The following RBFOX1 variants were observed in gnomAD, a reference collection of about 807,000 sequenced individuals.
RBFOX1 encodes the protein RNA binding protein fox-1 homolog 1.
In RBFOX1, 8 loss-of-function variants were observed where a neutral mutation model predicts 57.7. The ratio of observed to expected loss-of-function variants is 0.14; its 90% confidence interval spans 0.08 to 0.25. The LOEUF (loss-of-function observed/expected upper bound fraction) is 0.25. RBFOX1 is among the 10% of genes least tolerant of loss of function. RBFOX1 has a pLI of 1.00. For missense variants in RBFOX1, 611 were observed against 548.5 expected, an observed-to-expected ratio of 1.11 and a Z score of -1.14; for synonymous variants, 326 against 222.4, an observed-to-expected ratio of 1.47 and a Z score of -4.15.
intron 4 of RBFOX1, among the ~76,000 whole-genome samples, chr16:7,084,115 A>G (rs2059617789): frequency 6.6e-6 from 1 of 152,210 alleles, no homozygotes; most frequent in Admixed American, 6.5e-5. Flanking sequence ...TGTGTGGGAC[A>G]GACCTGGTAT....
intron 4 of RBFOX1, among the ~76,000 whole-genome samples, chr16:7,128,608 C>G (rs559436328): frequency 9.9e-4 from 151 of 152,228 alleles, no homozygotes; most frequent in African/African-American, 3.5e-3. Flanking sequence ...CCTGGAGAGG[C>G]TCATGCTAGG....
intron 4 of RBFOX1, among the ~76,000 whole-genome samples, chr16:7,057,036 A>G (rs1344477818): frequency 6.6e-6 from 1 of 152,024 alleles, no homozygotes; most frequent in Non-Finnish European, 1.5e-5. Flanking sequence ...ACTGAAAAAA[A>G]AAAAAAATGC....
intron 1 of RBFOX1, among the ~76,000 whole-genome samples, chr16:5,303,348 C>T (rs1371672490): frequency 1.3e-5 from 2 of 152,168 alleles, no homozygotes; most frequent in Non-Finnish European, 2.9e-5. Flanking sequence ...GCAGATAAGC[C>T]ATACAAGCCT....
chr16:5,684,099 A>G (rs1166133589), intron 3 of RBFOX1, among the ~76,000 whole-genome samples: 1 of 152,170 alleles, frequency 6.6e-6, no homozygotes, highest in Non-Finnish European at 1.5e-5. Flanking sequence ...ACATAAAGTA[A>G]CCCATTTCTT....
chr16:5,310,678 G>T (rs1041371450), intron 1 of RBFOX1, among the ~76,000 whole-genome samples: 1 of 152,144 alleles, frequency 6.6e-6, no homozygotes, highest in Non-Finnish European at 1.5e-5. Flanking sequence ...CTCAGCTGGG[G>T]TGACACTGTA....
intron 3 of RBFOX1, among the ~76,000 whole-genome samples, chr16:6,839,611 C>T (rs894115740): frequency 6.6e-6 from 1 of 152,138 alleles, no homozygotes; most frequent in Admixed American, 6.5e-5. Flanking sequence ...TTTCGGGGAC[C>T]TTGGTAGGTA....
At chr16:6,053,213 A>C (rs73522183) in intron 1 of RBFOX1, among the ~76,000 whole-genome samples, 10,122 of 152,102 alleles carry the variant, frequency 0.067, 1,037 homozygotes, top group African/African-American at 0.22. Context: ...TCCTGATGTA[A>C]CTCCTGCCCC....
intron 4 of RBFOX1, among the ~76,000 whole-genome samples, chr16:7,499,949 A>G (rs1338927393): frequency 6.6e-6 from 1 of 152,028 alleles, no homozygotes; most frequent in Non-Finnish European, 1.5e-5. Flanking sequence ...TTTACCAATA[A>G]GGGAAACATC....
At chr16:6,816,441 A>T (rs1423209022) in intron 3 of RBFOX1, among the ~76,000 whole-genome samples, 3 of 138,902 alleles carry the variant, frequency 2.2e-5, no homozygotes, top group African/African-American at 2.9e-5. Context: ...TTTTTTTTTT[A>T]AAGAAACAGG....
In RBFOX1 at chr16:7,187,932, C is replaced by T. The variant is rs182551112; in HGVS notation, c.27+135834C>T. The stretch of plus-strand genomic sequence containing the variant: ...AAGTGGTTTCCATGACCGCATGGGT[C>T]AAATCACAGCACTTTAAGAATCAAC... On this transcript the variant is annotated intron_variant, in intron 4 of 15. Coordinates refer to ENST00000550418, the MANE Select transcript of RBFOX1 (RefSeq NM_018723.4). 1.1e-3 allele frequency among the ~76,000 whole-genome samples: 166 copies of T among 152,158 alleles called. 1 individual carries two copies. The highest frequency in any genetic ancestry group is 3.8e-3 in the African/African-American group (157 of 41,528).
chr16:7,009,358 C>T (rs975327728), intron 3 of RBFOX1, among the ~76,000 whole-genome samples: 1 of 150,340 alleles, frequency 6.7e-6, no homozygotes, highest in African/African-American at 2.5e-5. Flanking sequence ...GCCAAGCAGT[C>T]TCTTGGAATT....
At chr16:6,847,349 C>G (rs990070404) in intron 3 of RBFOX1, among the ~76,000 whole-genome samples, 2 of 152,140 alleles carry the variant, frequency 1.3e-5, no homozygotes, top group Admixed American at 1.3e-4. Context: ...GTCCTCACAA[C>G]TGCAAGGGGG....
chr16:5,504,333 C>G (rs1170436487), intron 2 of RBFOX1, among the ~76,000 whole-genome samples: 1 of 152,216 alleles, frequency 6.6e-6, no homozygotes, highest in Non-Finnish European at 1.5e-5. Context: ...CCTGCTGGGC[C>G]TCGGACTTGG....
At chr16:6,482,269 T>C (rs1019499687) in intron 2 of RBFOX1, among the ~76,000 whole-genome samples, 1 of 152,222 alleles carries the variant, frequency 6.6e-6, no homozygotes, top group Admixed American at 6.5e-5. Flanking sequence ...TTTAAATAAG[T>C]GCTTGAGGTA....
chr16:5,922,972 A>C (rs1400197753), intron 4 of RBFOX1, among the ~76,000 whole-genome samples: 1 of 152,194 alleles, frequency 6.6e-6, no homozygotes, highest in African/African-American at 2.4e-5. Flanking sequence ...AGTTGAGCAG[A>C]GGATGTGGAG....
At chr16:6,947,124 C>G (rs2079695137) in intron 3 of RBFOX1, among the ~76,000 whole-genome samples, 1 of 152,140 alleles carries the variant, frequency 6.6e-6, no homozygotes, top group South Asian at 2.1e-4. Context: ...CTGTTAAACT[C>G]TTAGCACATA....
chr16:7,325,169 C>A (rs1168929716), intron 4 of RBFOX1, among the ~76,000 whole-genome samples: 5 of 152,178 alleles, frequency 3.3e-5, no homozygotes, highest in African/African-American at 1.2e-4. Context: ...TATCAACAGC[C>A]ATTTACTGAG....
At chr16:5,376,886 C>A (rs1219003619) in intron 1 of RBFOX1, among the ~76,000 whole-genome samples, 1 of 149,942 alleles carries the variant, frequency 6.7e-6, no homozygotes, top group African/African-American at 2.5e-5. Context: ...TCCAAGTGGC[C>A]CCTGGGACTA....
intron 3 of RBFOX1, among the ~76,000 whole-genome samples, chr16:7,029,677 A>G (rs1260613646): frequency 6.6e-6 from 1 of 152,144 alleles, no homozygotes; most frequent in Non-Finnish European, 1.5e-5. Flanking sequence ...AATTTTCAAA[A>G]CAGATGAAAG....
Sources: allele counts gnomAD v4.1 joint callset (sites outside exome capture counted in the v4.1 genomes callset), GRCh38; gene constraint gnomAD v4.1.1; transcripts MANE v1.5; gene names NCBI Gene and HGNC (gene_info 2026-07-23, HGNC 2026-07-21).